The following HMGXB3 variants were observed in gnomAD, a reference collection of about 807,000 sequenced individuals.
HMGXB3 encodes HMG domain-containing protein 3.
A neutral mutation model predicts 121.5 loss-of-function variants in HMGXB3; 45 were observed. That is an observed-to-expected ratio of 0.37 (90% confidence interval 0.29 to 0.47). The LOEUF (loss-of-function observed/expected upper bound fraction) is 0.47, where lower values mean the gene tolerates loss of function less well. Among genes scored for constraint, HMGXB3 ranks in the 20% least tolerant of loss-of-function variants. HMGXB3 has a pLI of 0.99. For synonymous variants in HMGXB3, 590 were observed against 624.1 expected (o/e 0.95, Z 0.81); for missense variants, 1,376 against 1,602.2 (o/e 0.86, Z 2.41).
chr5:150,024,153 C>A, intron 6 of HMGXB3, 109 bp from the exon 7 acceptor site: 1 of 889,140 alleles, frequency 1.1e-6, no homozygotes, highest in Non-Finnish European at 1.6e-6. Context: ...CTTTCATGGA[C>A]CTTAGTTTCC....
chr5:150,006,121 A>G (rs957282284), intron 2 of HMGXB3, among the ~76,000 whole-genome samples: 1 of 152,180 alleles, frequency 6.6e-6, no homozygotes, highest in Non-Finnish European at 1.5e-5. Context: ...ATGGTAGCTT[A>G]TATAAGCATT....
chr5:150,007,152 T>G (rs1457802428), intron 3 of HMGXB3, among the ~76,000 whole-genome samples: 1 of 152,208 alleles, frequency 6.6e-6, no homozygotes, highest in Non-Finnish European at 1.5e-5. Flanking sequence ...GAAACTATGC[T>G]GAAAGCAAAA....
intron 5 of HMGXB3, among the ~76,000 whole-genome samples, chr5:150,017,220 T>C (rs1404025634): frequency 1.3e-5 from 2 of 152,228 alleles, no homozygotes. Context: ...ATGTTAAGAA[T>C]TTCCAAGTCC....
At chr5:150,006,428 C>T (rs1755702572) in intron 2 of HMGXB3, 45 bp from the exon 3 acceptor site, 1 of 1,503,784 alleles carries the variant, frequency 6.6e-7, no homozygotes, top group African/African-American at 1.4e-5. Context: ...TTTCTGCCAG[C>T]ATTGCCATTA....
At chr5:150,035,656 G>A (rs2340462) in intron 11 of HMGXB3, among the ~76,000 whole-genome samples, 114,100 of 152,006 alleles carry the variant, frequency 0.75, 43,151 homozygotes, top group Non-Finnish European at 0.8. Context: ...TTTAGCAGCT[G>A]TCAGATGATG....
chr5:150,011,417 G>A (rs1581247803), intron 4 of HMGXB3, among the ~76,000 whole-genome samples: 1 of 152,148 alleles, frequency 6.6e-6, no homozygotes, highest in Non-Finnish European at 1.5e-5. Flanking sequence ...AGCATTCTCA[G>A]AGATGGGAGT....
chr5:150,002,008 G>C (rs1414845795), intron 1 of HMGXB3, among the ~76,000 whole-genome samples: 1 of 152,174 alleles, frequency 6.6e-6, no homozygotes, highest in African/African-American at 2.4e-5. Context: ...TGCTTACCCA[G>C]CCAAGTTGTA....
Position 150,047,675 on chromosome 5 carries a change from A to T in HMGXB3, c.3002A>T (p.Asp1001Val). ...RLLQEGTCKLDEIGSYSEEKL... is the reference protein window; with the variant it reads ...RLLQEGTCKLVEIGSYSEEKL... ...CTCCAGGAGGGCACCTGCAAGCTTG[A>T]TGAGATTGGCTCCTACAGTGAAGAG... The change falls in exon 17 of 20, where the codon GAT becomes GTT. Residue 1001 changes from aspartate to valine, a missense_variant. Around this residue, in one of 2 missense-constraint regions of HMGXB3, gnomAD observed 1,116 missense variants for 1,369.0 expected, o/e 0.82. Transcript: ENST00000502717. 6.4e-7 allele frequency: 1 copy of T among 1,551,750 alleles called. No individual in the cohort carries two copies. Among genetic ancestry groups the T allele is most frequent in the Non-Finnish European group, 8.7e-7 (1 of 1,146,994 alleles).
At chr5:150,015,192 C>G (rs772042430) in intron 5 of HMGXB3, 1 of 272,326 alleles carries the variant, frequency 3.7e-6, no homozygotes, top group African/African-American at 2.2e-5. Flanking sequence ...TGGCCATGGT[C>G]ACGTGTGTTC....
chr5:150,036,602 T>G, intron 11 of HMGXB3, 34 bp from the exon 12 acceptor site: 1 of 1,491,012 alleles, frequency 6.7e-7, no homozygotes, highest in Non-Finnish European at 9.0e-7. Context: ...CTTTCTGCTC[T>G]GAGTGCTTGG....
chr5:150,030,942 G>A (rs559011533), intron 10 of HMGXB3, 103 bp downstream of exon 10: 18 of 741,586 alleles, frequency 2.4e-5, no homozygotes, highest in Middle Eastern at 5.0e-4. Flanking sequence ...GTAGCTGGGA[G>A]GGAGAACAGG....
In HMGXB3 at chr5:150,005,309, T is replaced by C. The variant is rs1172794127; in HGVS notation, c.137+320T>C. Among the ~76,000 whole-genome samples the C allele has an allele frequency of 3.9e-5, 6 of 152,212 alleles. No homozygotes were observed. In the East Asian group the frequency reaches 9.6e-4, roughly 24 times the overall value. Reference sequence around the variant, plus strand: ...CAAAGCATTAATAAAATTACAAAATTAGAAATAAGGCTGGGCGTGATGGCT... The same window carrying C: ...CAAAGCATTAATAAAATTACAAAATCAGAAATAAGGCTGGGCGTGATGGCT... On this transcript the variant is annotated intron_variant, in intron 2 of 19. Coordinates refer to ENST00000502717, the MANE Select transcript of HMGXB3 (RefSeq NM_014983.3).
chr5:150,018,444 GAT>G lies in HMGXB3; in HGVS notation c.910-119_910-118del, dbSNP rs1451267706. 8.1e-6 allele frequency: 6 copies of G among 738,704 alleles called. No individual in the cohort carries two copies. In the African/African-American group the frequency reaches 1.1e-4, roughly 13 times the overall value. The allele number at this position is 738,704 out of a possible 1,614,324, so 45.8% of individuals were successfully genotyped here. A position where few individuals can be genotyped will look rare whatever the true frequency, so the allele number is the denominator to read the frequency against. On this transcript the variant is annotated intron_variant, in intron 5 of 19. Coordinates refer to ENST00000502717, the MANE Select transcript of HMGXB3 (RefSeq NM_014983.3). The stretch of plus-strand genomic sequence containing the variant: ...GACCTTTCCAACACTGACCTTTTAT[GAT>G]ATGATTATGAATTGGTTATCTTTCC...
chr5:150,047,475 C>A, intron 16 of HMGXB3, 149 bp from the exon 17 acceptor site: 1 of 810,068 alleles, frequency 1.2e-6, no homozygotes, highest in Non-Finnish European at 1.9e-6. Context: ...CTGCAGAAAG[C>A]GTGGACCTGA....
At position 150,052,032 on chromosome 5, in the gene HMGXB3, GC is replaced by G; in HGVS notation, c.3721del (p.Arg1241AlafsTer67). 6.4e-7 allele frequency: 1 copy of G among 1,552,096 alleles called. No homozygotes were observed. The highest frequency in any genetic ancestry group is 8.7e-7 in the Non-Finnish European group (1 of 1,147,078). On this transcript the variant is annotated frameshift_variant, in exon 20 of 20. Coordinates refer to ENST00000502717, the MANE Select transcript of HMGXB3 (RefSeq NM_014983.3). LOFTEE classifies it high-confidence loss of function. ...LYNRLMDFLT[S>X]REIVNRQIHD... ...AACCGCCTCATGGACTTCCTCACCA[GC>G]CGCGAAATTGTCAATCGTCAGATCC...
In HMGXB3 at chr5:150,037,518, A is replaced by G. The variant is rs1179448516; in HGVS notation, c.2404A>G (p.Ile802Val). The G allele has an allele frequency of 1.9e-6, 3 of 1,543,872 alleles. No individual in the cohort carries two copies. Among genetic ancestry groups the G allele is most frequent in the Non-Finnish European group, 1.8e-6 (2 of 1,142,092 alleles). ...HCLALHSFID[I>V]YTGLFNVGNK... ...TCTGGCCCTGCACAGCTTCATAGAC[A>G]TCTACACAGGTGGGTGCCAACCTTC... Residue 802 changes from isoleucine (I) to valine (V), a missense_variant, in exon 13 of 20, where the codon ATC becomes GTC. Around this residue, in one of 2 missense-constraint regions of HMGXB3, gnomAD observed 1,116 missense variants for 1,369.0 expected, o/e 0.82. Transcript: ENST00000502717.
In HMGXB3 at chr5:150,023,121, G is replaced by A. The variant is rs77653626; in HGVS notation, c.1042-1141G>A. Among the ~76,000 whole-genome samples the A allele has an allele frequency of 6.2e-3, 946 of 151,538 alleles. 12 individuals carry two copies. Among genetic ancestry groups the A allele is most frequent in the African/African-American group, 0.022 (907 of 41,250 alleles). On this transcript the variant is annotated intron_variant, in intron 6 of 19. Transcript: ENST00000502717. ...TAGGATCACGGGCATGAGCCATGACGCCTGGCTGTTACCAGTTCTGAACTA... is the reference window on the plus strand; with the variant it reads ...TAGGATCACGGGCATGAGCCATGACACCTGGCTGTTACCAGTTCTGAACTA...
intron 16 of HMGXB3, among the ~76,000 whole-genome samples, chr5:150,047,179 C>A (rs1394633305): frequency 2.6e-5 from 4 of 152,244 alleles, no homozygotes; most frequent in African/African-American, 9.6e-5. Context: ...CAGGTGTGAG[C>A]CACTGCACCC....
chr5:150,047,414 C>A (rs1581267646), intron 16 of HMGXB3: 2 of 563,192 alleles, frequency 3.6e-6, no homozygotes, highest in East Asian at 3.0e-5. Context: ...TGCAGGATAT[C>A]TCACTCAGAT....
Sources: allele counts gnomAD v4.1 joint callset (sites outside exome capture counted in the v4.1 genomes callset), GRCh38; gene constraint gnomAD v4.1.1; regional missense constraint gnomAD v4.1.1; transcripts MANE v1.5; gene names NCBI Gene and HGNC (gene_info 2026-07-23, HGNC 2026-07-21).